The following IL16 variants were observed in gnomAD, a reference collection of about 807,000 sequenced individuals.
IL16 encodes interleukin 16, also known as pro-interleukin-16.
A neutral mutation model predicts 110.1 loss-of-function variants in IL16; 67 were observed. That is an observed-to-expected ratio of 0.61 (90% CI 0.50 to 0.75). IL16 has a LOEUF of 0.75. Ranked by LOEUF, IL16 falls within the 30% of genes least tolerant of loss-of-function variation. The pLI is 0.00. For missense variants in IL16, 1,545 were observed against 1,655.0 expected, an observed-to-expected ratio of 0.93 and a Z score of 1.15; for synonymous variants, 689 against 662.9, an observed-to-expected ratio of 1.04 and a Z score of -0.61.
rs4107576 is a variant in IL16, at chr15:81,229,431, G to A, written c.312+3720G>A. On this transcript the variant is annotated intron_variant, in intron 2 of 18. Transcript: ENST00000683961. ...ACAGGGGCTTGGAAGAATTTGCTGG[G>A]GGTGGCAGAAGAGGTGATGAGCACA... Among the ~76,000 whole-genome samples, 373 of 152,108 alleles carry A rather than the reference G, an allele frequency of 2.5e-3. 1 individual carries two copies. Among genetic ancestry groups the A allele is most frequent in the African/African-American group, 7.4e-3 (305 of 41,404 alleles).
rs1338622647 is a variant in IL16 at position 81,309,252 on chromosome 15, T to C, written c.*454T>C. ...TCCCACTTGGCATCAGCTGGCGTCA[T>C]GCAAAGTCATGCAAAGGCTGGGACC... is the stretch of plus-strand genomic sequence containing the variant. On this transcript the variant is annotated 3_prime_UTR_variant, in exon 19 of 19. Transcript: ENST00000683961. The C allele has an allele frequency of 2.5e-5, 4 of 157,130 alleles. No homozygotes were observed. Among genetic ancestry groups the C allele is most frequent in the African/African-American group, 9.6e-5 (4 of 41,564 alleles). 9.7% of individuals were successfully genotyped at this position (157,130 alleles called of 1,614,324 possible). A position where few individuals can be genotyped will look rare whatever the true frequency, so the allele number is the denominator to read the frequency against.
chr15:81,298,745 A>G (rs186066570), intron 13 of IL16, among the ~76,000 whole-genome samples: 108 of 152,378 alleles, frequency 7.1e-4, no homozygotes, highest in African/African-American at 2.5e-3. Flanking sequence ...TGACCTGTGT[A>G]TAGGCAGAGC....
intron 2 of IL16, among the ~76,000 whole-genome samples, chr15:81,250,921 C>T (rs549224517): frequency 6.6e-6 from 1 of 152,274 alleles, no homozygotes; most frequent in East Asian, 1.9e-4. Flanking sequence ...TCCTGTTAAA[C>T]TCTCTTTCCT....
intron 5 of IL16, among the ~76,000 whole-genome samples, chr15:81,270,079 C>T (rs949268101): frequency 6.6e-6 from 1 of 152,210 alleles, no homozygotes; most frequent in Non-Finnish European, 1.5e-5. Flanking sequence ...CTACCTACTA[C>T]ATGTGGGAAA....
chr15:81,189,608 G>C (rs986470012), intron 1 of IL16, among the ~76,000 whole-genome samples: 3 of 152,152 alleles, frequency 2.0e-5, no homozygotes, highest in African/African-American at 4.8e-5. Flanking sequence ...TGTGAGTTGG[G>C]AGGGGGTGTC....
At chr15:81,237,281 A>G (rs1897206425) in intron 2 of IL16, among the ~76,000 whole-genome samples, 1 of 152,122 alleles carries the variant, frequency 6.6e-6, no homozygotes, top group East Asian at 1.9e-4. Context: ...ACAACAAACA[A>G]TTAAGAAACT....
intron 2 of IL16, among the ~76,000 whole-genome samples, chr15:81,256,633 C>T (rs992685398): frequency 1.3e-5 from 2 of 152,082 alleles, no homozygotes; most frequent in African/African-American, 2.4e-5. Context: ...TGTGAGCCAC[C>T]GCACCCAGAC....
At chr15:81,182,728 T>C in exon 1 of IL16, 1 of 426,526 alleles carries the variant, frequency 2.3e-6, no homozygotes, top group Non-Finnish European at 4.4e-6. Flanking sequence ...AACGAGGAGT[T>C]ACTTTGTAGT....
intron 1 of IL16, among the ~76,000 whole-genome samples, chr15:81,190,877 G>T (rs997625679): frequency 2.0e-5 from 3 of 152,160 alleles, no homozygotes; most frequent in Admixed American, 6.5e-5. Flanking sequence ...AATGGGTAGG[G>T]TGATTGCTCA....
At chr15:81,211,549 G>A (rs1039400635) in intron 1 of IL16, among the ~76,000 whole-genome samples, 1 of 152,148 alleles carries the variant, frequency 6.6e-6, no homozygotes, top group African/African-American at 2.4e-5. Flanking sequence ...ACCGCGCTTG[G>A]CCTAGTTTTT....
intron 18 of IL16, among the ~76,000 whole-genome samples, chr15:81,307,450 G>C (rs17875542): frequency 0.13 from 19,666 of 152,270 alleles, 1,745 homozygotes; most frequent in African/African-American, 0.24. Context: ...GGTTTCGTTA[G>C]AGGAAGTTCT....
At chr15:81,281,363 G>T (rs893877373) in intron 8 of IL16, among the ~76,000 whole-genome samples, 10 of 152,192 alleles carry the variant, frequency 6.6e-5, no homozygotes, top group Admixed American at 6.5e-4. Context: ...TTTTCCAGGC[G>T]TTTCCATGTT....
At chr15:81,185,093 G>C (rs2141906810) in intron 1 of IL16, among the ~76,000 whole-genome samples, 2 of 152,198 alleles carry the variant, frequency 1.3e-5, no homozygotes, top group African/African-American at 4.8e-5. Context: ...GCTGGAGGGT[G>C]GGGCGTAGGG....
chr15:81,245,724 C>CTTTTTTTTTTTTGTTTTTTTTT (rs1897518808), intron 2 of IL16, among the ~76,000 whole-genome samples: 2 of 61,282 alleles, frequency 3.3e-5, no homozygotes, highest in African/African-American at 1.4e-4. Flanking sequence ...TTTGTTTTGG[C>CTTTTTTTTTTTTGTTTTTTTTT]TTTTTTTTTT....
Position 81,300,398 on chromosome 15 carries a change from A to G in IL16, c.3072A>G (p.Pro1024=). The G allele has an allele frequency of 6.2e-7, 1 of 1,614,142 alleles. No homozygotes were observed. The highest frequency in any genetic ancestry group is 8.5e-7 in the Non-Finnish European group (1 of 1,180,012). ...TPCIPKEGAS[P]TSSSNEDSAA... is the part of the protein sequence containing the mutation. ...GCATCCCCAAGGAAGGGGCATCTCC[A>G]ACATCATCATCCAACGAAGACTCAG... Residue 1024 remains proline, a synonymous_variant, in exon 14 of 19, where the codon CCA becomes CCG. Coordinates refer to ENST00000683961, the MANE Select transcript of IL16 (RefSeq NM_172217.5).
intron 1 of IL16, among the ~76,000 whole-genome samples, chr15:81,214,793 A>G (rs148913911): frequency 6.6e-6 from 1 of 152,208 alleles, no homozygotes; most frequent in East Asian, 1.9e-4. Context: ...ACATACTTTC[A>G]TAATTTTTAG....
Position 81,306,165 on chromosome 15 carries a change from TA to T in IL16, c.3679del (p.Thr1227GlnfsTer9). On this transcript the variant is annotated frameshift_variant and splice_region_variant, in exon 17 of 19. Coordinates refer to ENST00000683961, the MANE Select transcript of IL16 (RefSeq NM_172217.5). LOFTEE classifies it high-confidence loss of function. ...SAASDVSVES[T>X]AEATVCTVTL... ...CAGCCAGTGATGTTTCTGTAGAATCTAGTAAGTTCTCCCAACTCAGTGGAAG... is the reference window on the plus strand; with the variant it reads ...CAGCCAGTGATGTTTCTGTAGAATCTGTAAGTTCTCCCAACTCAGTGGAAG... 1 of 1,613,170 alleles carries T rather than the reference TA, an allele frequency of 6.2e-7. No homozygotes were observed. The highest frequency in any genetic ancestry group is 8.5e-7 in the Non-Finnish European group (1 of 1,179,450).
intron 2 of IL16, among the ~76,000 whole-genome samples, chr15:81,237,870 A>G (rs1007422658): frequency 6.6e-6 from 1 of 151,490 alleles, no homozygotes. Context: ...TCACTCTACC[A>G]GTCTCTTTAT....
At chr15:81,244,722 C>A (rs531229294) in intron 2 of IL16, among the ~76,000 whole-genome samples, 1 of 152,208 alleles carries the variant, frequency 6.6e-6, no homozygotes, top group South Asian at 2.1e-4. Flanking sequence ...AATTTCATCT[C>A]TTTTCCTAAA....
Sources: allele counts gnomAD v4.1 joint callset (sites outside exome capture counted in the v4.1 genomes callset), GRCh38; gene constraint gnomAD v4.1.1; transcripts MANE v1.5; gene names NCBI Gene and HGNC (gene_info 2026-07-23, HGNC 2026-07-21).